CLIC6: variants seen among roughly 807,000 people sequenced by gnomAD.
The protein encoded by CLIC6 is chloride intracellular channel protein 6.
CLIC6 carries 39 observed loss-of-function variants against 49.2 expected under a neutral mutation model. The observed-to-expected ratio is 0.79, with a 90% CI of 0.61 to 1.04. CLIC6 has a LOEUF of 1.04. Among genes scored for constraint, CLIC6 ranks in the 50% least tolerant of loss-of-function variants. CLIC6 has a pLI of 0.00. For missense variants in CLIC6, 988 were observed against 993.1 expected (o/e 0.99, Z 0.07); for synonymous variants, 446 against 433.4 (o/e 1.03, Z -0.36).
At chr21:34,711,436 G>A (rs1431795448) in intron 5 of CLIC6, among the ~76,000 whole-genome samples, 1 of 152,028 alleles carries the variant, frequency 6.6e-6, no homozygotes, top group Non-Finnish European at 1.5e-5. Flanking sequence ...GGAGGCTGAG[G>A]CACGAGAATC....
intron 1 of CLIC6, among the ~76,000 whole-genome samples, chr21:34,675,291 T>C (rs7281533): frequency 0.27 from 37,990 of 142,804 alleles, 5,306 homozygotes; most frequent in African/African-American, 0.38. Context: ...AGCATTGCCA[T>C]ACCACAGGGC....
In CLIC6 at chr21:34,669,303, C is replaced by A. The variant is rs1262605199; in HGVS notation, c.-86C>A. 6 of 1,094,738 alleles carry A rather than the reference C, an allele frequency of 5.5e-6. No homozygotes were observed. In the African/African-American group the frequency reaches 8.1e-5, roughly 15 times the overall value. The allele number at this position is 1,094,738 out of a possible 1,614,324, so 67.8% of individuals were successfully genotyped here. A position where few individuals can be genotyped will look rare whatever the true frequency, so the allele number is the denominator to read the frequency against. ...GGCGTCCTTCAAGGAGCACAGAGGG[C>A]CCCGTAGCACGCCCCTTGCCCAGCG... On this transcript the variant is annotated 5_prime_UTR_variant, in exon 1 of 6. Coordinates refer to ENST00000349499, the MANE Select transcript of CLIC6 (RefSeq NM_053277.3).
rs377187283 is a variant in CLIC6, at chr21:34,708,822, C to T, written c.1717+16C>T. 1.3e-5 allele frequency: 20 copies of T among 1,565,030 alleles called. No individual in the cohort carries two copies. In the African/African-American group the frequency reaches 2.7e-4, roughly 21 times the overall value. On this transcript the variant is annotated intron_variant, in intron 4 of 5. Transcript: ENST00000349499. Reference sequence around the variant, plus strand: ...GCAAATGAGAGTGAGTACCTCCCATCCTCCTGTTTTGTTTCAACACAGACT... The same window carrying T: ...GCAAATGAGAGTGAGTACCTCCCATTCTCCTGTTTTGTTTCAACACAGACT...
intron 1 of CLIC6, among the ~76,000 whole-genome samples, chr21:34,683,104 C>G (rs902418452): frequency 6.6e-6 from 1 of 151,792 alleles, no homozygotes; most frequent in African/African-American, 2.4e-5. Context: ...AGCCACCGCG[C>G]CTGGCCCCCT....
Position 34,669,938 on chromosome 21 carries a change from G to T in CLIC6, c.550G>T (p.Gly184Cys), listed in dbSNP as rs1989503949. The T allele has an allele frequency of 1.3e-5, 17 of 1,317,868 alleles. No homozygotes were observed. The highest frequency in any genetic ancestry group is 1.5e-5 in the Non-Finnish European group (16 of 1,033,106). The allele number at this position is 1,317,868 out of a possible 1,614,324, so 81.6% of individuals were successfully genotyped here. A position where few individuals can be genotyped will look rare whatever the true frequency, so the allele number is the denominator to read the frequency against. ...GGCGGGCGACAGCGTAGAGGCGGAG[G>T]GCCGGGTGGGGGACAGCGTAGACGC... ...GPAGDSVEAEGRVGDSVDAEG... is the reference protein window; with the variant it reads ...GPAGDSVEAECRVGDSVDAEG... The change falls in exon 1 of 6, where the codon GGC (glycine) becomes TGC (cysteine). Residue 184 changes from glycine to cysteine, a missense_variant. Coordinates refer to ENST00000349499, the MANE Select transcript of CLIC6 (RefSeq NM_053277.3).
chr21:34,702,437 T>C (rs1014326425), intron 1 of CLIC6, among the ~76,000 whole-genome samples: 3 of 152,116 alleles, frequency 2.0e-5, no homozygotes, highest in African/African-American at 7.2e-5. Context: ...CGCCATTCCA[T>C]ATGCCAGATG....
At chr21:34,683,812 G>A (rs182955528) in intron 1 of CLIC6, among the ~76,000 whole-genome samples, 132 of 152,312 alleles carry the variant, frequency 8.7e-4, no homozygotes, top group Non-Finnish European at 1.5e-3. Flanking sequence ...GGAACTGTGA[G>A]TCAATTAAAC....
intron 1 of CLIC6, among the ~76,000 whole-genome samples, chr21:34,692,458 T>C (rs1990013422): frequency 6.6e-6 from 1 of 152,210 alleles, no homozygotes; most frequent in Non-Finnish European, 1.5e-5. Context: ...ACATAGATGA[T>C]CACCTGCTTT....
At chr21:34,682,585 TAA>T (rs1248385039) in intron 1 of CLIC6, among the ~76,000 whole-genome samples, 1 of 152,178 alleles carries the variant, frequency 6.6e-6, no homozygotes, top group African/African-American at 2.4e-5. Flanking sequence ...TATATTTTTA[TAA>T]GAGTGTGCTG....
At chr21:34,710,402 G>T (rs931937982) in intron 5 of CLIC6, among the ~76,000 whole-genome samples, 1 of 152,314 alleles carries the variant, frequency 6.6e-6, no homozygotes, top group East Asian at 1.9e-4. Flanking sequence ...TTCCCATATA[G>T]TAGCTGAACA....
At chr21:34,671,971 T>C (rs1029094364) in intron 1 of CLIC6, among the ~76,000 whole-genome samples, 7 of 152,196 alleles carry the variant, frequency 4.6e-5, no homozygotes, top group Admixed American at 2.0e-4. Flanking sequence ...TGGGAAGAGC[T>C]GGAGCGCAGT....
intron 5 of CLIC6, among the ~76,000 whole-genome samples, chr21:34,710,847 C>CA (rs1196012625): frequency 3.3e-5 from 5 of 151,892 alleles, no homozygotes; most frequent in African/African-American, 4.8e-5. Context: ...ACAAAAACCC[C>CA]AAAAAAACAA....
chr21:34,708,955 C>G (rs1279086882), intron 4 of CLIC6, 149 bp downstream of exon 4: 1 of 634,240 alleles, frequency 1.6e-6, no homozygotes, highest in South Asian at 2.0e-5. Flanking sequence ...AACTTTGAAT[C>G]TGCACGTGGG....
chr21:34,674,342 C>T (rs1279711385), intron 1 of CLIC6, among the ~76,000 whole-genome samples: 2 of 152,200 alleles, frequency 1.3e-5, no homozygotes, highest in Admixed American at 6.5e-5. Flanking sequence ...CCCTCCCACT[C>T]TGGCGTTTCA....
At chr21:34,675,617 G>A (rs1326656753) in intron 1 of CLIC6, among the ~76,000 whole-genome samples, 1 of 152,138 alleles carries the variant, frequency 6.6e-6, no homozygotes, top group African/African-American at 2.4e-5. Flanking sequence ...GGAAACAGGT[G>A]GAGCATGATG....
Position 34,670,486 on chromosome 21 carries a change from G to C in CLIC6, c.1098G>C (p.Glu366Asp). 2 of 1,493,798 alleles carry C rather than the reference G, an allele frequency of 1.3e-6. No homozygotes were observed. Among genetic ancestry groups the C allele is most frequent in the South Asian group, 2.6e-5 (2 of 75,622 alleles). The allele number at this position is 1,493,798 out of a possible 1,614,324, so 92.5% of individuals were successfully genotyped here. A position where few individuals can be genotyped will look rare whatever the true frequency, so the allele number is the denominator to read the frequency against. ...EDRVGDGPQQ[E>D]PGEDEERRER... Reference sequence around the variant, plus strand: ...GGGTAGGGGATGGGCCACAGCAGGAGCCGGGGGAGGACGAAGAGAGACGAG... The same window carrying C: ...GGGTAGGGGATGGGCCACAGCAGGACCCGGGGGAGGACGAAGAGAGACGAG... Residue 366 changes from glutamate (E) to aspartate (D), a missense_variant, in exon 1 of 6, where the codon GAG becomes GAC. This residue lies in a region of CLIC6 where 647 missense variants were observed against 596.9 expected (regional missense o/e 1.08). Transcript: ENST00000349499.
chr21:34,688,095 C>T (rs1989915806), intron 1 of CLIC6, among the ~76,000 whole-genome samples: 2 of 152,170 alleles, frequency 1.3e-5, no homozygotes, highest in Admixed American at 1.3e-4. Context: ...CTAAAATAGG[C>T]CTTGCTGCAA....
chr21:34,700,249 C>A (rs886367990), intron 1 of CLIC6, among the ~76,000 whole-genome samples: 1 of 150,128 alleles, frequency 6.7e-6, no homozygotes, highest in African/African-American at 2.5e-5. Flanking sequence ...AGATAGAGAC[C>A]ATCCTGGCTA....
intron 1 of CLIC6, among the ~76,000 whole-genome samples, chr21:34,681,266 G>A (rs1989775696): frequency 6.6e-6 from 1 of 152,192 alleles, no homozygotes; most frequent in Non-Finnish European, 1.5e-5. Flanking sequence ...GATCTCATAA[G>A]AACTCACTCA....
Sources: allele counts gnomAD v4.1 joint callset (sites outside exome capture counted in the v4.1 genomes callset), GRCh38; gene constraint gnomAD v4.1.1; regional missense constraint gnomAD v4.1.1; transcripts MANE v1.5; gene names NCBI Gene and HGNC (gene_info 2026-07-23, HGNC 2026-07-21).